OPCML: variants seen among roughly 807,000 people sequenced by gnomAD.
The protein encoded by OPCML is opioid binding protein/cell adhesion molecule like, also known as opioid-binding protein/cell adhesion molecule.
In OPCML, 13 loss-of-function variants were observed where a neutral mutation model predicts 37.8. The observed-to-expected ratio is 0.34, with a 90% CI of 0.22 to 0.55. The LOEUF is 0.55. Among genes scored for constraint, OPCML ranks in the 20% least tolerant of loss-of-function variants. The pLI is 0.91. For missense variants in OPCML, 341 were observed against 435.6 expected, an observed-to-expected ratio of 0.78 and a Z score of 1.93; for synonymous variants, 176 against 168.8, an observed-to-expected ratio of 1.04 and a Z score of -0.33.
chr11:133,274,591 G>A (rs925449649), intron 1 of OPCML, among the ~76,000 whole-genome samples: 23 of 152,142 alleles, frequency 1.5e-4, no homozygotes, highest in African/African-American at 5.6e-4. Flanking sequence ...CAATCACCTC[G>A]AAGTTCCCTG....
chr11:132,480,968 G>A (rs1325827514), intron 4 of OPCML, among the ~76,000 whole-genome samples: 1 of 151,354 alleles, frequency 6.6e-6, no homozygotes, highest in African/African-American at 2.4e-5. Context: ...GAAATAATGA[G>A]CAAAATAACC....
At chr11:132,759,787 C>G (rs965769048) in intron 2 of OPCML, among the ~76,000 whole-genome samples, 3 of 151,992 alleles carry the variant, frequency 2.0e-5, no homozygotes, top group African/African-American at 4.8e-5. Context: ...TTTTTCGTGT[C>G]TCTATTTTCT....
chr11:133,216,186 A>T (rs115940539), intron 1 of OPCML, among the ~76,000 whole-genome samples: 1,990 of 152,238 alleles, frequency 0.013, 38 homozygotes, highest in African/African-American at 0.045. Flanking sequence ...ATCCTGTGTA[A>T]TAGGGAGCTC....
rs181177410 is a variant in OPCML, at chr11:133,130,417, C to T, written c.62-187407G>A. 1.2e-3 allele frequency among the ~76,000 whole-genome samples: 181 copies of T among 152,108 alleles called. 1 individual carries two copies. The highest frequency in any genetic ancestry group is 3.7e-3 in the African/African-American group (154 of 41,518). On this transcript the variant is annotated intron_variant, in intron 1 of 7. Coordinates refer to ENST00000524381, the MANE Select transcript of OPCML (RefSeq NM_001012393.5). ...ATTGGCCAAACATTTTTTTCATTTA[C>T]ATTAGCACCAAAATATTGAAATACT...
At chr11:133,224,245 C>T (rs1338044849) in intron 1 of OPCML, among the ~76,000 whole-genome samples, 2 of 152,158 alleles carry the variant, frequency 1.3e-5, no homozygotes, top group African/African-American at 4.8e-5. Flanking sequence ...GGTCACTCAG[C>T]TGTGTCCTAG....
chr11:132,679,561 AG>A (rs1415931812), intron 2 of OPCML, among the ~76,000 whole-genome samples: 1 of 152,226 alleles, frequency 6.6e-6, no homozygotes, highest in Non-Finnish European at 1.5e-5. Context: ...GACAGAAAAT[AG>A]TTGCTTGATT....
intron 3 of OPCML, among the ~76,000 whole-genome samples, chr11:132,634,213 G>A: frequency 6.6e-6 from 1 of 152,156 alleles, no homozygotes; most frequent in Non-Finnish European, 1.5e-5. Context: ...CTCAGAAAAT[G>A]AGTTTATGGT....
At chr11:132,487,037 C>T (rs912559790) in intron 4 of OPCML, among the ~76,000 whole-genome samples, 2 of 152,260 alleles carry the variant, frequency 1.3e-5, no homozygotes, top group South Asian at 2.1e-4. Flanking sequence ...CATGATAATG[C>T]TGTATTTTCA....
intron 1 of OPCML, among the ~76,000 whole-genome samples, chr11:133,040,114 T>C (rs558234599): frequency 6.6e-6 from 1 of 152,100 alleles, no homozygotes; most frequent in East Asian, 1.9e-4. Flanking sequence ...ACGTCCAGAA[T>C]TAATGACATC....
intron 2 of OPCML, among the ~76,000 whole-genome samples, chr11:132,770,454 T>C (rs1946599496): frequency 6.6e-6 from 1 of 152,076 alleles, no homozygotes; most frequent in Admixed American, 6.5e-5. Flanking sequence ...AAGAAATAGA[T>C]ACTGAGGTAC....
rs563763384 is a variant in OPCML at position 132,491,535 on chromosome 11, A to G, written c.505+37526T>C. ...CTCTGCTCAAATAACCCTTCCCCAG[A>G]GGGGCTCATGGTATATTAACTGGAA... On this transcript the variant is annotated intron_variant, in intron 4 of 7. Coordinates refer to ENST00000524381, the MANE Select transcript of OPCML (RefSeq NM_001012393.5). Among the ~76,000 whole-genome samples, 55 of 152,220 alleles carry G rather than the reference A, an allele frequency of 3.6e-4. 1 individual carries two copies. The highest frequency in any genetic ancestry group is 3.4e-3 in the Middle Eastern group (1 of 294).
intron 1 of OPCML, among the ~76,000 whole-genome samples, chr11:133,074,567 G>T (rs1331503806): frequency 2.6e-5 from 4 of 152,088 alleles, no homozygotes; most frequent in Non-Finnish European, 4.4e-5. Context: ...GGTCCTTGAG[G>T]TTGGCTTCCA....
At chr11:133,184,624 C>T (rs556810959) in intron 1 of OPCML, among the ~76,000 whole-genome samples, 2 of 152,220 alleles carry the variant, frequency 1.3e-5, no homozygotes, top group African/African-American at 4.8e-5. Flanking sequence ...AAACCCAGGT[C>T]CATTAAATTA....
At chr11:133,499,407 G>A (rs991835969) in intron 1 of OPCML, among the ~76,000 whole-genome samples, 5 of 152,072 alleles carry the variant, frequency 3.3e-5, no homozygotes, top group Non-Finnish European at 4.4e-5. Flanking sequence ...ATTTCCAATC[G>A]GGAAACAAAT....
At chr11:132,654,207 G>A (rs1941579621) in intron 3 of OPCML, among the ~76,000 whole-genome samples, 1 of 152,164 alleles carries the variant, frequency 6.6e-6, no homozygotes, top group South Asian at 2.1e-4. Flanking sequence ...CAAAGAAAGA[G>A]CAAGTCACTG....
intron 3 of OPCML, among the ~76,000 whole-genome samples, chr11:132,612,664 G>C (rs542926139): frequency 6.4e-4 from 97 of 152,314 alleles, no homozygotes; most frequent in Non-Finnish European, 1.1e-3. Context: ...GCAGAGGCTT[G>C]AGAAGCCAAA....
rs115688665 is a variant in OPCML at position 133,326,464 on chromosome 11, G to A, written c.61+205800C>T. Among the ~76,000 whole-genome samples the A allele has an allele frequency of 6.5e-3, 903 of 137,984 alleles. 17 individuals carry two copies. Among genetic ancestry groups the A allele is most frequent in the African/African-American group, 0.024 (859 of 36,130 alleles). 90.5% of individuals were successfully genotyped at this position (137,984 alleles called of 152,430 possible). A position where few individuals can be genotyped will look rare whatever the true frequency, so the allele number is the denominator to read the frequency against. ...GTATGTGTGTGTATGTGTGTGTGGG[G>A]TGTGTGTGTATGTGTATGAGGGGGT... On this transcript the variant is annotated intron_variant, in intron 1 of 7. Transcript: ENST00000524381.
At chr11:133,167,748 AGTT>A (rs1210497798) in intron 1 of OPCML, among the ~76,000 whole-genome samples, 5 of 152,118 alleles carry the variant, frequency 3.3e-5, no homozygotes, top group Non-Finnish European at 7.4e-5. Flanking sequence ...TTTCTGCAGC[AGTT>A]CACTCCAACA....
intron 1 of OPCML, among the ~76,000 whole-genome samples, chr11:133,023,501 T>C (rs1947492440): frequency 6.6e-6 from 1 of 152,164 alleles, no homozygotes; most frequent in African/African-American, 2.4e-5. Flanking sequence ...TTACCACACT[T>C]CACCTAAAGA....
Sources: gnomAD v4.1 joint callset for allele counts (sites outside exome capture counted in the v4.1 genomes callset) on GRCh38, gnomAD v4.1.1 for gene constraint, MANE v1.5 for transcripts, NCBI Gene and HGNC (gene_info 2026-07-23, HGNC 2026-07-21) for gene names.